The following HACE1 variants were observed in gnomAD, a reference collection of about 807,000 sequenced individuals.
The protein encoded by HACE1 is HECT domain and ankyrin repeat containing E3 ubiquitin protein ligase 1, also known as E3 ubiquitin-protein ligase HACE1.
In HACE1, 73 loss-of-function variants were observed where a neutral mutation model predicts 118.4. That is an observed-to-expected ratio of 0.62 (90% confidence interval 0.51 to 0.75). The LOEUF is 0.75. Ranked by LOEUF, HACE1 falls within the 30% of genes least tolerant of loss-of-function variation. The pLI is 0.00. For synonymous variants in HACE1, 368 were observed against 374.8 expected (o/e 0.98, Z 0.21); for missense variants, 749 against 1,102.2 (o/e 0.68, Z 4.54).
intron 4 of HACE1, among the ~76,000 whole-genome samples, chr6:104,845,220 T>C (rs1775533850): frequency 6.6e-6 from 1 of 152,064 alleles, no homozygotes; most frequent in South Asian, 2.1e-4. Context: ...CTTCATACCA[T>C]GGATTATATC....
rs757225746 is a variant in HACE1 at position 104,777,411 on chromosome 6, A to C, written c.1567-94T>G. ...TTGCTAAATGCCTTTTCTACAAATAATCATTCTTAGATCTTTATTTACAAT... is the reference window on the plus strand; with the variant it reads ...TTGCTAAATGCCTTTTCTACAAATACTCATTCTTAGATCTTTATTTACAAT... On this transcript the variant is annotated intron_variant, in intron 14 of 23. Coordinates refer to ENST00000262903, the MANE Select transcript of HACE1 (RefSeq NM_020771.4). 1.2e-4 allele frequency: 96 copies of C among 785,880 alleles called. 1 individual carries two copies. The highest frequency in any genetic ancestry group is 1.1e-4 in the Non-Finnish European group (49 of 433,400). 48.7% of individuals were successfully genotyped at this position (785,880 alleles called of 1,614,324 possible).
chr6:104,833,785 G>T (rs1181949762), intron 5 of HACE1, among the ~76,000 whole-genome samples: 1 of 152,148 alleles, frequency 6.6e-6, no homozygotes, highest in East Asian at 1.9e-4. Flanking sequence ...AGGAGATCAA[G>T]ACCATCTTGG....
intron 1 of HACE1, among the ~76,000 whole-genome samples, chr6:104,854,623 G>C (rs55708651): frequency 2.7e-3 from 403 of 151,728 alleles, no homozygotes; most frequent in African/African-American, 9.5e-3. Context: ...AACTGTAAAA[G>C]GACATTTTTG....
intron 22 of HACE1, among the ~76,000 whole-genome samples, chr6:104,738,818 T>C (rs1398127326): frequency 4.0e-5 from 6 of 148,340 alleles, no homozygotes; most frequent in Admixed American, 2.0e-4. Context: ...ATACAGAGAA[T>C]GCCACAAAGA....
intron 7 of HACE1, among the ~76,000 whole-genome samples, chr6:104,802,512 G>C (rs1384293866): frequency 6.6e-6 from 1 of 152,054 alleles, no homozygotes; most frequent in Non-Finnish European, 1.5e-5. Flanking sequence ...ATCACAAACT[G>C]TCTCTCAGAG....
intron 3 of HACE1, among the ~76,000 whole-genome samples, chr6:104,850,307 CA>C (rs1294844914): frequency 6.6e-6 from 1 of 152,132 alleles, no homozygotes; most frequent in Non-Finnish European, 1.5e-5. Context: ...AAATAGTAAA[CA>C]TTCTCTACTT....
intron 5 of HACE1, among the ~76,000 whole-genome samples, chr6:104,837,225 C>T (rs1774632764): frequency 1.3e-5 from 2 of 152,120 alleles, no homozygotes; most frequent in African/African-American, 2.4e-5. Flanking sequence ...AATTATTCTA[C>T]CTGGTATTAA....
chr6:104,777,447 T>C lies in HACE1; in HGVS notation c.1567-130A>G. 3 of 693,490 alleles carry C rather than the reference T, an allele frequency of 4.3e-6. No homozygotes were observed. In the South Asian group the frequency reaches 4.8e-5, roughly 11 times the overall value. 43.0% of individuals were successfully genotyped at this position (693,490 alleles called of 1,614,324 possible). A position where few individuals can be genotyped will look rare whatever the true frequency, so the allele number is the denominator to read the frequency against. ...ATCTTTATTTACAATAAGGAGTTAC[T>C]GGATAATGTTTGAACATTTCAATAA... On this transcript the variant is annotated intron_variant, in intron 14 of 23. Transcript: ENST00000262903.
rs1410631256 is a variant in HACE1 at position 104,785,081 on chromosome 6, C to A, written c.1313G>T (p.Ser438Ile). The change falls in exon 12 of 24, where the codon AGT becomes ATT. Residue 438 changes from serine (S) to isoleucine (I), a missense_variant. Ser to Ile is a moderately radical substitution (Grantham distance 142). Coordinates refer to ENST00000262903, the MANE Select transcript of HACE1 (RefSeq NM_020771.4). ...AGAAATAACATCCTGACAATCTGCA[C>A]TGGCTTCCTGTCTCCCTGCAAGAGC... is the stretch of plus-strand genomic sequence containing the variant. The part of the protein sequence containing the change: ...PDALAGRQEA[S>I]ADCQDVISMT... 1 of 1,613,874 alleles carries A rather than the reference C, an allele frequency of 6.2e-7. No homozygotes were observed. Among genetic ancestry groups the A allele is most frequent in the Admixed American group, 1.7e-5 (1 of 59,988 alleles).
chr6:104,786,440 T>C (rs1435452124), intron 11 of HACE1: 16 of 149,862 alleles, frequency 1.1e-4, no homozygotes, highest in African/African-American at 3.7e-4. Context: ...GAATAAACTA[T>C]TTCCTATTAT....
intron 19 of HACE1, among the ~76,000 whole-genome samples, chr6:104,762,336 T>C (rs1309966319): frequency 6.6e-6 from 1 of 152,208 alleles, no homozygotes; most frequent in East Asian, 1.9e-4. Flanking sequence ...TAAGGAAATG[T>C]GGCACATATA....
intron 7 of HACE1, among the ~76,000 whole-genome samples, chr6:104,797,496 A>AG (rs35610243): frequency 0.18 from 26,722 of 151,894 alleles, 2,567 homozygotes; most frequent in African/African-American, 0.25. Flanking sequence ...TTGTAAAAAA[A>AG]AAAAAAATTA....
chr6:104,842,103 A>G (rs1273213652), intron 5 of HACE1, among the ~76,000 whole-genome samples: 1 of 152,214 alleles, frequency 6.6e-6, no homozygotes, highest in African/African-American at 2.4e-5. Context: ...CCAAGAGTTC[A>G]AGACTAGCCT....
chr6:104,818,691 A>G (rs1582627923), intron 6 of HACE1, among the ~76,000 whole-genome samples: 2 of 152,186 alleles, frequency 1.3e-5, no homozygotes, highest in African/African-American at 2.4e-5. Flanking sequence ...ACCATAATCA[A>G]GTAGGCTTCA....
intron 4 of HACE1, among the ~76,000 whole-genome samples, chr6:104,848,487 A>G (rs1411388851): frequency 6.6e-6 from 1 of 151,836 alleles, no homozygotes; most frequent in African/African-American, 2.4e-5. Flanking sequence ...TTTATAAAAT[A>G]TAAGTTCTTC....
chr6:104,855,123 T>G (rs1776591113), intron 1 of HACE1, among the ~76,000 whole-genome samples: 1 of 152,148 alleles, frequency 6.6e-6, no homozygotes, highest in Non-Finnish European at 1.5e-5. Flanking sequence ...ACAGTGGCAT[T>G]ATGTGGCTGA....
At chr6:104,750,263 C>T (rs780288781) in intron 20 of HACE1, 78 bp downstream of exon 20, 21 of 1,188,168 alleles carry the variant, frequency 1.8e-5, no homozygotes, top group Non-Finnish European at 2.2e-5. Context: ...TCATAATACT[C>T]CACAATTATT....
chr6:104,758,794 A>G, intron 19 of HACE1, among the ~76,000 whole-genome samples: 1 of 152,148 alleles, frequency 6.6e-6, no homozygotes, highest in East Asian at 1.9e-4. Flanking sequence ...TGCTGTATTC[A>G]GGAGACCCAT....
intron 17 of HACE1, among the ~76,000 whole-genome samples, chr6:104,775,061 GCCAGACGTAGTAGCTTACACCTGTAATC>G (rs1262172917): frequency 1.3e-5 from 2 of 152,098 alleles, no homozygotes; most frequent in Non-Finnish European, 1.5e-5. Flanking sequence ...AAAATGTTTG[GCCAGACGTAGTAGCTTACACCTGTAATC>G]CCAGAACTTT....
Sources: allele counts gnomAD v4.1 joint callset (sites outside exome capture counted in the v4.1 genomes callset), GRCh38; gene constraint gnomAD v4.1.1; transcripts MANE v1.5; gene names NCBI Gene and HGNC (gene_info 2026-07-23, HGNC 2026-07-21).